ZBTB5: variants seen among roughly 807,000 people sequenced by gnomAD.
The protein encoded by ZBTB5 is zinc finger and BTB domain containing 5, also known as zinc finger and BTB domain-containing protein 5.
ZBTB5 carries 15 observed loss-of-function variants against 37.9 expected under a neutral mutation model. That is an observed-to-expected ratio of 0.40 (90% confidence interval 0.26 to 0.61). The LOEUF (loss-of-function observed/expected upper bound fraction) is 0.61, where lower values mean the gene tolerates loss of function less well. Ranked by LOEUF, ZBTB5 falls within the 20% of genes least tolerant of loss-of-function variation. ZBTB5 has a pLI of 0.47. For missense variants in ZBTB5, 708 were observed against 856.8 expected, an observed-to-expected ratio of 0.83 and a Z score of 2.17; for synonymous variants, 315 against 312.4, an observed-to-expected ratio of 1.01 and a Z score of -0.09.
chr9:37,463,053 A>C (rs1207526696), intron 1 of ZBTB5, among the ~76,000 whole-genome samples: 2 of 152,158 alleles, frequency 1.3e-5, no homozygotes, highest in Non-Finnish European at 2.9e-5. Context: ...AGAGTAACCT[A>C]ATCTGTTTGG....
At chr9:37,464,934 G>A (rs1824363383) in intron 1 of ZBTB5, among the ~76,000 whole-genome samples, 1 of 152,196 alleles carries the variant, frequency 6.6e-6, no homozygotes, top group Non-Finnish European at 1.5e-5. Context: ...CACCCCATTC[G>A]GGAACCTACG....
At chr9:37,451,253 T>C (rs1824097749) in intron 1 of ZBTB5, among the ~76,000 whole-genome samples, 1 of 152,034 alleles carries the variant, frequency 6.6e-6, no homozygotes, top group South Asian at 2.1e-4. Flanking sequence ...TTAAATCTTG[T>C]AGAACTACTG....
chr9:37,451,555 CAAAA>C (rs67502719), intron 1 of ZBTB5, among the ~76,000 whole-genome samples: 1 of 72,746 alleles, frequency 1.4e-5, no homozygotes, highest in African/African-American at 5.4e-5. Flanking sequence ...GAGACTATCT[CAAAA>C]AAAAAAAAAA....
chr9:37,443,185 A>C (rs910335745), intron 1 of ZBTB5, among the ~76,000 whole-genome samples: 3 of 152,074 alleles, frequency 2.0e-5, no homozygotes, highest in Non-Finnish European at 2.9e-5. Flanking sequence ...CCCTGTCTCT[A>C]CTAAAAATAC....
intron 1 of ZBTB5, among the ~76,000 whole-genome samples, chr9:37,445,296 A>G (rs1453518259): frequency 1.3e-5 from 2 of 152,162 alleles, no homozygotes; most frequent in African/African-American, 4.8e-5. Context: ...TAATCTAGAA[A>G]TACAGTCTGA....
rs1438812874 is a variant in ZBTB5, at chr9:37,441,928, G to T, written c.624C>A (p.Ser208=). The change falls in exon 2 of 2, where the codon TCC becomes TCA. Residue 208 remains serine, a synonymous_variant. Transcript: ENST00000307750. ...CATCTGAAATGGCAGACTCATCTATGGAGGGTCGGAGGCGCTGCCTGGCCC... is the reference window on the plus strand; with the variant it reads ...CATCTGAAATGGCAGACTCATCTATTGAGGGTCGGAGGCGCTGCCTGGCCC... The part of the protein sequence containing the change: ...EERARQRLRP[S]IDESAISDVT... 3.7e-6 allele frequency: 6 copies of T among 1,614,096 alleles called. No individual in the cohort carries two copies. Among genetic ancestry groups the T allele is most frequent in the Non-Finnish European group, 5.1e-6 (6 of 1,180,016 alleles).
intron 1 of ZBTB5, among the ~76,000 whole-genome samples, chr9:37,463,782 A>G (rs2118965896): frequency 6.6e-6 from 1 of 152,276 alleles, no homozygotes; most frequent in Non-Finnish European, 1.5e-5. Context: ...CAGCTAACTA[A>G]AAGTTATGTT....
chr9:37,438,527 C>A lies in ZBTB5; in HGVS notation c.*1991G>T. 1 of 152,344 alleles carries A rather than the reference C, an allele frequency of 6.6e-6. No homozygotes were observed. The highest frequency in any genetic ancestry group is 1.5e-5 in the Non-Finnish European group (1 of 68,044). The allele number at this position is 152,344 out of a possible 1,614,324, so 9.4% of individuals were successfully genotyped here. A position where few individuals can be genotyped will look rare whatever the true frequency, so the allele number is the denominator to read the frequency against. The stretch of plus-strand genomic sequence containing the variant: ...AGAGATAAGCCCCAAAAGCAAAGTC[C>A]ACTTATGCTTCAGCAGAGGTAAGCG... On this transcript the variant is annotated 3_prime_UTR_variant, in exon 2 of 2. Transcript: ENST00000307750.
chr9:37,450,905 T>C (rs746108032), intron 1 of ZBTB5, among the ~76,000 whole-genome samples: 20 of 151,868 alleles, frequency 1.3e-4, no homozygotes, highest in Non-Finnish European at 2.1e-4. Flanking sequence ...TATTATTTAA[T>C]ATATACATGT....
In ZBTB5 at chr9:37,442,155, C is replaced by T. The variant is rs754674198; in HGVS notation, c.397G>A (p.Val133Ile). Residue 133 changes from valine to isoleucine, a missense_variant, in exon 2 of 2, where the codon GTT becomes ATT. This residue lies in a region of ZBTB5 where 639 missense variants were observed against 690.5 expected (regional missense o/e 0.93). Transcript: ENST00000307750. The stretch of plus-strand genomic sequence containing the variant: ...TGCATGCGGGCGCTCTGCTCCTGAA[C>T]GCGCTCACTGGGGGGAGACATGGGC... ...TLPMSPPSER[V>I]QEQSARMQRS... The T allele has an allele frequency of 3.0e-5, 48 of 1,614,108 alleles. No individual in the cohort carries two copies. Among genetic ancestry groups the T allele is most frequent in the Admixed American group, 6.7e-5 (4 of 60,010 alleles).
chr9:37,444,897 GC>G (rs1823947462), intron 1 of ZBTB5, among the ~76,000 whole-genome samples: 1 of 152,130 alleles, frequency 6.6e-6, no homozygotes, highest in African/African-American at 2.4e-5. Flanking sequence ...TAGGCAGCAG[GC>G]CTGGAGAGCA....
At chr9:37,456,191 T>C (rs889208162) in intron 1 of ZBTB5, among the ~76,000 whole-genome samples, 15 of 152,112 alleles carry the variant, frequency 9.9e-5, no homozygotes, top group Non-Finnish European at 2.1e-4. Flanking sequence ...GCTCAATCAA[T>C]CCACCTGCCT....
At position 37,445,396 on chromosome 9, in the gene ZBTB5, G is replaced by A. The variant is rs112169324; in HGVS notation, c.-4-2841C>T. Reference sequence around the variant, plus strand: ...GGTGGTTCACGCCTGTAATCCCAGCGCTTTGGGAGACCGAGGTAGGTGGGT... The same window carrying A: ...GGTGGTTCACGCCTGTAATCCCAGCACTTTGGGAGACCGAGGTAGGTGGGT... On this transcript the variant is annotated intron_variant, in intron 1 of 1. Transcript: ENST00000307750. Among the ~76,000 whole-genome samples, 686 of 152,174 alleles carry A rather than the reference G, an allele frequency of 4.5e-3. 4 individuals carry two copies. The highest frequency in any genetic ancestry group is 5.7e-3 in the Non-Finnish European group (387 of 67,996).
chr9:37,438,383 T>G lies in ZBTB5; in HGVS notation c.*2135A>C, dbSNP rs142716776. On this transcript the variant is annotated 3_prime_UTR_variant, in exon 2 of 2. Coordinates refer to ENST00000307750, the MANE Select transcript of ZBTB5 (RefSeq NM_014872.3). ...GAATTATTTTTTAAGTGCTACAGCA[T>G]GTACAAGGACACTGGCCCACAAGCT... The G allele has an allele frequency of 1.3e-5, 2 of 152,726 alleles. No homozygotes were observed. The highest frequency in any genetic ancestry group is 4.8e-5 in the African/African-American group (2 of 41,570). 9.5% of individuals were successfully genotyped at this position (152,726 alleles called of 1,614,324 possible). A position where few individuals can be genotyped will look rare whatever the true frequency, so the allele number is the denominator to read the frequency against.
intron 1 of ZBTB5, among the ~76,000 whole-genome samples, chr9:37,443,776 C>T (rs1823927625): frequency 6.6e-6 from 1 of 151,816 alleles, no homozygotes. Flanking sequence ...ACCAAAAATA[C>T]AAAAAATTAG....
intron 1 of ZBTB5, among the ~76,000 whole-genome samples, chr9:37,459,584 CA>C (rs1183665166): frequency 6.6e-6 from 1 of 150,740 alleles, no homozygotes; most frequent in Non-Finnish European, 1.5e-5. Context: ...GGCAGAGTCT[CA>C]CTCTGTTACC....
At chr9:37,463,049 A>T (rs1437002893) in intron 1 of ZBTB5, among the ~76,000 whole-genome samples, 3 of 152,188 alleles carry the variant, frequency 2.0e-5, no homozygotes, top group Non-Finnish European at 4.4e-5. Flanking sequence ...TGTCAGAGTA[A>T]CCTAATCTGT....
chr9:37,447,715 G>A (rs949987526), intron 1 of ZBTB5, among the ~76,000 whole-genome samples: 1 of 152,118 alleles, frequency 6.6e-6, no homozygotes, highest in African/African-American at 2.4e-5. Flanking sequence ...GTTAATAGGT[G>A]AGGGGGGCCA....
At chr9:37,455,885 G>A (rs1824178703) in intron 1 of ZBTB5, among the ~76,000 whole-genome samples, 1 of 151,772 alleles carries the variant, frequency 6.6e-6, no homozygotes, top group African/African-American at 2.4e-5. Flanking sequence ...TGCCCAGGCT[G>A]CTTTTGAACT....
Sources: allele counts gnomAD v4.1 joint callset (sites outside exome capture counted in the v4.1 genomes callset), GRCh38; gene constraint gnomAD v4.1.1; regional missense constraint gnomAD v4.1.1; transcripts MANE v1.5; gene names NCBI Gene and HGNC (gene_info 2026-07-23, HGNC 2026-07-21).